The following CSNK2A2IP variants were observed in gnomAD, a reference collection of about 807,000 sequenced individuals.
CSNK2A2IP encodes the protein casein kinase 2 subunit alpha' interacting protein.
At chr3:88,405,537 G>A in the CSNK2A2IP span, among the ~76,000 whole-genome samples, 1 of 152,090 alleles carries the variant, frequency 6.6e-6, no homozygotes, top group Non-Finnish European at 1.5e-5. Flanking sequence ...CCTCTCTTTG[G>A]CTTTCAGAAA....
chr3:88,359,282 T>A, the CSNK2A2IP span, among the ~76,000 whole-genome samples: 1 of 151,830 alleles, frequency 6.6e-6, no homozygotes. Flanking sequence ...TTCTTCTTAG[T>A]CTGGCTAAAG....
At chr3:88,427,436 G>C in the CSNK2A2IP span, among the ~76,000 whole-genome samples, 2 of 152,182 alleles carry the variant, frequency 1.3e-5, no homozygotes, top group African/African-American at 4.8e-5. Flanking sequence ...AAGTAACAAG[G>C]AGCCAAATGT....
chr3:88,354,788 TAA>T, the CSNK2A2IP span, among the ~76,000 whole-genome samples: 10 of 152,280 alleles, frequency 6.6e-5, no homozygotes, highest in African/African-American at 2.2e-4. Context: ...AAAGATATAC[TAA>T]AGTCTTCCAA....
At chr3:88,422,292 T>C in the CSNK2A2IP span, among the ~76,000 whole-genome samples, 3 of 152,224 alleles carry the variant, frequency 2.0e-5, no homozygotes, top group African/African-American at 7.2e-5. Context: ...AACTGTTTGA[T>C]GAGTTTAAAC....
At chr3:88,405,165 T>A in the CSNK2A2IP span, among the ~76,000 whole-genome samples, 3 of 152,152 alleles carry the variant, frequency 2.0e-5, no homozygotes, top group African/African-American at 7.2e-5. Flanking sequence ...TCGAGTCCAA[T>A]CTCTTTCCCG....
chr3:88,340,914 T>C, the CSNK2A2IP span, among the ~76,000 whole-genome samples: 2 of 151,972 alleles, frequency 1.3e-5, no homozygotes, highest in Non-Finnish European at 2.9e-5. Flanking sequence ...TCCAACTTCA[T>C]AAACAAATAC....
chr3:88,385,526 C>G, the CSNK2A2IP span, among the ~76,000 whole-genome samples: 1 of 151,398 alleles, frequency 6.6e-6, no homozygotes, highest in Non-Finnish European at 1.5e-5. Context: ...TTTTGTTTTT[C>G]TTCTTTTCTA....
At chr3:88,354,777 T>C in the CSNK2A2IP span, among the ~76,000 whole-genome samples, 5 of 152,174 alleles carry the variant, frequency 3.3e-5, no homozygotes, top group South Asian at 2.1e-4. Flanking sequence ...GAAATAGCTC[T>C]AAAGATATAC....
chr3:88,380,389 A>C, the CSNK2A2IP span, among the ~76,000 whole-genome samples: 1 of 151,870 alleles, frequency 6.6e-6, no homozygotes, highest in Non-Finnish European at 1.5e-5. Context: ...TTAGTGGCTC[A>C]CAAAAAGGAT....
At chr3:88,395,858 CAA>C in the CSNK2A2IP span, among the ~76,000 whole-genome samples, 1 of 152,022 alleles carries the variant, frequency 6.6e-6, no homozygotes, top group Non-Finnish European at 1.5e-5. Flanking sequence ...TTATGTTATT[CAA>C]GACAGTATTG....
the CSNK2A2IP span, among the ~76,000 whole-genome samples, chr3:88,392,827 G>A: frequency 1.3e-5 from 2 of 152,184 alleles, no homozygotes; most frequent in Non-Finnish European, 2.9e-5. Flanking sequence ...GTTGAGGACA[G>A]ATGCTTTTGT....
At chr3:88,394,915 A>G in the CSNK2A2IP span, among the ~76,000 whole-genome samples, 1 of 152,210 alleles carries the variant, frequency 6.6e-6, no homozygotes, top group East Asian at 1.9e-4. Flanking sequence ...GAGGAGCAGC[A>G]AAGACTGCAA....
the CSNK2A2IP span, among the ~76,000 whole-genome samples, chr3:88,446,053 TC>T: frequency 2.4e-3 from 290 of 119,768 alleles, 7 homozygotes; most frequent in African/African-American, 8.5e-3. Context: ...TTTCTTTCTT[TC>T]TTTCTTTCTT....
the CSNK2A2IP span, chr3:88,343,128 T>G: frequency 6.6e-6 from 1 of 152,026 alleles, no homozygotes. Flanking sequence ...TGCGTATCCC[T>G]TAACCAACCC....
At chr3:88,376,358 A>AT in the CSNK2A2IP span, among the ~76,000 whole-genome samples, 78 of 149,298 alleles carry the variant, frequency 5.2e-4, no homozygotes, top group African/African-American at 1.2e-3. Flanking sequence ...CAGCAAATAT[A>AT]TTTTTTTTTT....
At chr3:88,346,551 C>G in the CSNK2A2IP span, among the ~76,000 whole-genome samples, 2 of 151,982 alleles carry the variant, frequency 1.3e-5, no homozygotes. Flanking sequence ...TAAATTTACT[C>G]TTCCTGTGCA....
chr3:88,423,083 C>T, the CSNK2A2IP span, among the ~76,000 whole-genome samples: 1 of 152,166 alleles, frequency 6.6e-6, no homozygotes, highest in Non-Finnish European at 1.5e-5. Flanking sequence ...AGGTGCTCAA[C>T]TTACCGTGTC....
At chr3:88,391,466 G>A in the CSNK2A2IP span, among the ~76,000 whole-genome samples, 5,719 of 152,128 alleles carry the variant, frequency 0.038, 268 homozygotes, top group African/African-American at 0.11. Context: ...ATTTCAAAAG[G>A]AAATGCAAAC....
At chr3:88,436,817 G>C in the CSNK2A2IP span, among the ~76,000 whole-genome samples, 1 of 152,196 alleles carries the variant, frequency 6.6e-6, no homozygotes, top group East Asian at 1.9e-4. Flanking sequence ...AACTCGAATT[G>C]ATGATATTCA....
Sources: allele counts gnomAD v4.1 joint callset (sites outside exome capture counted in the v4.1 genomes callset), GRCh38; gene constraint gnomAD v4.1.1; transcripts MANE v1.5; gene names NCBI Gene and HGNC (gene_info 2026-07-23, HGNC 2026-07-21).